The following FYCO1 variants were observed in gnomAD, a reference collection of about 807,000 sequenced individuals.
FYCO1 encodes the protein FYVE and coiled-coil domain-containing protein 1.
In FYCO1, 122 loss-of-function variants were observed where a neutral mutation model predicts 165.1. The observed-to-expected ratio is 0.74, with a 90% confidence interval of 0.64 to 0.86. The LOEUF is 0.86. Ranked by LOEUF, FYCO1 falls within the 40% of genes least tolerant of loss-of-function variation. FYCO1 has a pLI of 0.00. For missense variants in FYCO1, 1,702 were observed against 1,810.3 expected, an observed-to-expected ratio of 0.94 and a Z score of 1.09; for synonymous variants, 648 against 742.5, an observed-to-expected ratio of 0.87 and a Z score of 2.07.
At chr3:45,975,889 GAGGA>G (rs1559464604) in intron 4 of FYCO1, among the ~76,000 whole-genome samples, 1 of 152,206 alleles carries the variant, frequency 6.6e-6, no homozygotes, top group Admixed American at 6.5e-5. Context: ...TGTGCAGAAG[GAGGA>G]AGGGAGGGAC....
At chr3:45,982,998 AAGG>A (rs1707129795) in intron 2 of FYCO1, among the ~76,000 whole-genome samples, 1 of 152,226 alleles carries the variant, frequency 6.6e-6, no homozygotes, top group African/African-American at 2.4e-5. Flanking sequence ...TGAAACTTTG[AAGG>A]AGTAGACTCT....
At chr3:45,947,139 C>T (rs766640802) in intron 14 of FYCO1, 1 of 1,614,100 alleles carries the variant, frequency 6.2e-7, no homozygotes, top group African/African-American at 1.3e-5. Flanking sequence ...AACACTGCTT[C>T]ATGCTGGAGG....
chr3:45,928,819 T>C (rs1703447428), intron 16 of FYCO1, among the ~76,000 whole-genome samples: 1 of 151,942 alleles, frequency 6.6e-6, no homozygotes, highest in Admixed American at 6.5e-5. Flanking sequence ...CAAATGTCTA[T>C]TTATTAGAGT....
intron 4 of FYCO1, 107 bp from the exon 5 acceptor site, chr3:45,975,452 C>A: frequency 1.3e-6 from 1 of 782,846 alleles, no homozygotes; most frequent in Non-Finnish European, 2.2e-6. Context: ...CAAAAAATGT[C>A]ACCCAATTTT....
chr3:45,940,949 G>A (rs1305043954), intron 14 of FYCO1: 1 of 152,102 alleles, frequency 6.6e-6, no homozygotes, highest in African/African-American at 2.4e-5. Context: ...CCCTGTACGC[G>A]GTTTCCTTCT....
intron 1 of FYCO1, 53 bp from the exon 2 acceptor site, chr3:45,985,075 C>A: frequency 1.4e-6 from 1 of 728,374 alleles, no homozygotes; most frequent in Non-Finnish European, 2.5e-6. Context: ...CACAATTTAA[C>A]GACAATATTA....
Position 45,962,695 on chromosome 3 carries a change from A to G in FYCO1, c.3270-303T>C, listed in dbSNP as rs1391095868. 6.6e-6 allele frequency among the ~76,000 whole-genome samples: 1 copy of G among 152,178 alleles called. No homozygotes were observed. Among genetic ancestry groups the G allele is most frequent in the African/African-American group, 2.4e-5 (1 of 41,436 alleles). ...GCTGGGCTTGCAAGAGAAGCCTGAT[A>G]GGCAAGGCTCATGGGCTGGTGATGG... On this transcript the variant is annotated intron_variant, in intron 10 of 17. Coordinates refer to ENST00000296137, the MANE Select transcript of FYCO1 (RefSeq NM_024513.4). This position sits in a 1 kb window ranked among gnomAD's most constrained non-coding sequence, Gnocchi z 4.4.
intron 14 of FYCO1, chr3:45,947,028 C>A: frequency 1.2e-6 from 2 of 1,614,164 alleles, no homozygotes; most frequent in Non-Finnish European, 8.5e-7. Flanking sequence ...ATGTGGTTAC[C>A]ATGACGAGGC....
intron 16 of FYCO1, among the ~76,000 whole-genome samples, 179 bp downstream of exon 16, chr3:45,930,892 T>TGGACAAGGCCCAGAA (rs1703569046): frequency 6.6e-6 from 1 of 152,224 alleles, no homozygotes; most frequent in African/African-American, 2.4e-5. Flanking sequence ...TGGGTCTTTC[T>TGGACAAGGCCCAGAA]CTCCCCAAAC....
rs556598035 is a variant in FYCO1 at position 45,919,852 on chromosome 3, G to C, written c.*1913C>G. 6.6e-6 allele frequency: 1 copy of C among 152,354 alleles called. No individual in the cohort carries two copies. Among genetic ancestry groups the C allele is most frequent in the Admixed American group, 6.5e-5 (1 of 15,310 alleles). 9.4% of individuals were successfully genotyped at this position (152,354 alleles called of 1,614,324 possible). A position where few individuals can be genotyped will look rare whatever the true frequency, so the allele number is the denominator to read the frequency against. On this transcript the variant is annotated 3_prime_UTR_variant, in exon 18 of 18. Transcript: ENST00000296137. ...TTTGTTCTGAATCATCTCAGGCCACGTGGCATGCCTGTGAGGACAAACATC... is the reference window on the plus strand; with the variant it reads ...TTTGTTCTGAATCATCTCAGGCCACCTGGCATGCCTGTGAGGACAAACATC...
chr3:45,965,097 C>G lies in FYCO1; in HGVS notation c.3086G>C (p.Arg1029Thr). The G allele has an allele frequency of 6.2e-7, 1 of 1,614,056 alleles. No individual in the cohort carries two copies. The highest frequency in any genetic ancestry group is 8.5e-7 in the Non-Finnish European group (1 of 1,179,992). ...CCGGCCTTGCTCCTCAAGCTGGCCC[C>G]TGAGGCTCTTGCACTCTTCACCAGC... Reference protein sequence around the residue: ...KNAGEECKSLRGQLEEQGRQL... With the variant: ...KNAGEECKSLTGQLEEQGRQL... Residue 1029 changes from arginine (R) to threonine (T), a missense_variant, in exon 9 of 18, where the codon AGG (arginine) becomes ACG (threonine). Physicochemically the swap from Arg to Thr is moderately conservative, Grantham distance 71 (BLOSUM62 -1). Transcript: ENST00000296137.
chr3:45,983,401 G>A (rs937036768), intron 2 of FYCO1, among the ~76,000 whole-genome samples: 2 of 152,212 alleles, frequency 1.3e-5, no homozygotes, highest in Non-Finnish European at 2.9e-5. Context: ...ACAGATGAAA[G>A]TGGAGGGTAC....
intron 14 of FYCO1, among the ~76,000 whole-genome samples, chr3:45,948,669 TATGTATCCCA>T (rs1704795935): frequency 6.6e-6 from 1 of 152,238 alleles, no homozygotes; most frequent in South Asian, 2.1e-4. Context: ...TTTTTGGGCT[TATGTATCCCA>T]AAATCACTCA....
Position 45,966,649 on chromosome 3 carries a change from T to C in FYCO1, c.2685A>G (p.Gln895=), listed in dbSNP as rs1233241890. ...CTGTGTTGGCCCGGTGCAGCTGCTC[T>C]TGCAGCTCAGCGTGCTCCAGCTGTG... is the stretch of plus-strand genomic sequence containing the variant. ...EEAQLEHAEL[Q]EQLHRANTDT... is the part of the protein sequence containing the mutation. Residue 895 remains glutamine (Q), a synonymous_variant, in exon 8 of 18, where the codon CAA becomes CAG. Coordinates refer to ENST00000296137, the MANE Select transcript of FYCO1 (RefSeq NM_024513.4). 1.2e-6 allele frequency: 2 copies of C among 1,614,154 alleles called. No homozygotes were observed. The highest frequency in any genetic ancestry group is 2.2e-5 in the East Asian group (1 of 44,884).
At chr3:45,986,390 C>T (rs1707319337) in intron 1 of FYCO1, among the ~76,000 whole-genome samples, 1 of 152,160 alleles carries the variant, frequency 6.6e-6, no homozygotes, top group African/African-American at 2.4e-5. Flanking sequence ...TCCAGGAGTC[C>T]AGGCAAGCAG....
At chr3:45,983,725 C>T (rs963219686) in intron 2 of FYCO1, among the ~76,000 whole-genome samples, 1 of 152,192 alleles carries the variant, frequency 6.6e-6, no homozygotes, top group African/African-American at 2.4e-5. Context: ...ACTTTCTCTG[C>T]CTCTCTGTGT....
rs201698951 is a variant in FYCO1 at position 45,936,462 on chromosome 3, C to T, written c.4026G>A (p.Lys1342=). The T allele has an allele frequency of 4.3e-6, 7 of 1,613,646 alleles. No individual in the cohort carries two copies. The Admixed American group carries it at 6.7e-5, about 15-fold the overall frequency. Residue 1342 remains lysine (K), a synonymous_variant, in exon 15 of 18, where the codon AAG becomes AAA. Coordinates refer to ENST00000296137, the MANE Select transcript of FYCO1 (RefSeq NM_024513.4). Reference sequence around the variant, plus strand: ...TTGCCACTTACATCAGTTCTCCAGACTTCAGCAGGCAGATTTCCGAATCCT... The same window carrying T: ...TTGCCACTTACATCAGTTCTCCAGATTTCAGCAGGCAGATTTCCGAATCCT... ...VGQDSEICLL[K]SGELMIKVPL... is the part of the protein sequence containing the mutation.
intron 3 of FYCO1, 122 bp from the exon 4 acceptor site, chr3:45,979,952 C>A: frequency 1.6e-6 from 2 of 1,242,332 alleles, no homozygotes; most frequent in Admixed American, 3.7e-5. Context: ...CCTTTATTGG[C>A]ATTATTTTTA....
At chr3:45,971,748 G>C (rs921649094) in intron 6 of FYCO1, among the ~76,000 whole-genome samples, 1 of 152,222 alleles carries the variant, frequency 6.6e-6, no homozygotes, top group Non-Finnish European at 1.5e-5. Flanking sequence ...AAGGGGACTA[G>C]AGAGGCATAG....
Sources: allele counts gnomAD v4.1 joint callset (sites outside exome capture counted in the v4.1 genomes callset), GRCh38; gene constraint gnomAD v4.1.1; non-coding constraint Gnocchi (gnomAD v3.1); transcripts MANE v1.5; gene names NCBI Gene and HGNC (gene_info 2026-07-23, HGNC 2026-07-21).